Variants in FNBP1 observed in about 807,000 individuals in gnomAD.
FNBP1 encodes formin-binding protein 1.
A neutral mutation model predicts 90.6 loss-of-function variants in FNBP1; 26 were observed. The observed-to-expected ratio is 0.29, with a 90% CI of 0.21 to 0.40. The LOEUF is 0.40. FNBP1 is among the 10% of genes least tolerant of loss of function. The pLI, the probability that FNBP1 is intolerant of heterozygous loss-of-function variation, is 1.00. For synonymous variants in FNBP1, 260 were observed against 265.2 expected, an observed-to-expected ratio of 0.98 and a Z score of 0.19; for missense variants, 635 against 768.0, an observed-to-expected ratio of 0.83 and a Z score of 2.05.
In FNBP1 at chr9:130,042,750, C is replaced by G. The variant is rs2059950698; in HGVS notation, c.24+202G>C. Among the ~76,000 whole-genome samples, 2 of 151,744 alleles carry G rather than the reference C, an allele frequency of 1.3e-5. No individual in the cohort carries two copies. Among genetic ancestry groups the G allele is most frequent in the Admixed American group, 6.6e-5 (1 of 15,232 alleles). ...GACCCGCACCAACTCCCCTCGCCTCCGAAGGACAAGCCGGCCCGCACCTCC... is the reference window on the plus strand; with the variant it reads ...GACCCGCACCAACTCCCCTCGCCTCGGAAGGACAAGCCGGCCCGCACCTCC... On this transcript the variant is annotated intron_variant, in intron 1 of 16. Transcript: ENST00000446176. The surrounding 1 kb of genome is among the most constrained non-coding windows in gnomAD (Gnocchi z 5.5).
rs1213145983 is a variant in FNBP1, at chr9:129,890,990, A to C, written c.1847-444T>G. On this transcript the variant is annotated intron_variant, in intron 16 of 16. Transcript: ENST00000446176. The surrounding 1 kb of genome is among the most constrained non-coding windows in gnomAD (Gnocchi z 5.8). ...GCTAACATGGTGAAAACCCATCTCTATTAAAAATACAACAATTAGCCTGGC... is the reference window on the plus strand; with the variant it reads ...GCTAACATGGTGAAAACCCATCTCTCTTAAAAATACAACAATTAGCCTGGC... Among the ~76,000 whole-genome samples, 3 of 151,776 alleles carry C rather than the reference A, an allele frequency of 2.0e-5. No individual in the cohort carries two copies. Among genetic ancestry groups the C allele is most frequent in the Non-Finnish European group, 4.4e-5 (3 of 67,934 alleles).
chr9:129,966,371 G>A lies in FNBP1; in HGVS notation c.346-7818C>T, dbSNP rs533979181. 4.1e-4 allele frequency among the ~76,000 whole-genome samples: 62 copies of A among 152,276 alleles called. 1 individual carries two copies. In the South Asian group the frequency reaches 0.012, roughly 31 times the overall value. On this transcript the variant is annotated intron_variant, in intron 4 of 16. Transcript: ENST00000446176. This position sits in a 1 kb window ranked among gnomAD's most constrained non-coding sequence, Gnocchi z 4.3. ...CAAGGTAAAGGGCACAGGGACGGAG[G>A]GCAGGCAGGGGCTTGACCATGGACA...
chr9:130,004,237 T>G (rs906691797), intron 1 of FNBP1, among the ~76,000 whole-genome samples: 3 of 151,196 alleles, frequency 2.0e-5, no homozygotes, highest in African/African-American at 7.3e-5. Context: ...TACTCCAGCC[T>G]GGGTGATAGG....
rs2058524177 is a variant in FNBP1, at chr9:130,028,185, A to G, written c.24+14767T>C. The stretch of plus-strand genomic sequence containing the variant: ...TCAGTGGGAGGAGTCTTGAGATCAC[A>G]TTGTAAGATGAGCAATGTGGGATGG... On this transcript the variant is annotated intron_variant, in intron 1 of 16. Coordinates refer to ENST00000446176, the MANE Select transcript of FNBP1 (RefSeq NM_015033.3). Among the ~76,000 whole-genome samples, 3 of 152,208 alleles carry G rather than the reference A, an allele frequency of 2.0e-5. No homozygotes were observed. The South Asian group carries it at 6.2e-4, about 32-fold the overall frequency.
At chr9:129,925,231 G>A (rs1320940180) in intron 8 of FNBP1, 74 bp from the exon 9 acceptor site, 15 of 1,234,184 alleles carry the variant, frequency 1.2e-5, no homozygotes, top group Non-Finnish European at 1.7e-5. Flanking sequence ...AATTGGCCAG[G>A]TGCGGTGGCT....
At chr9:129,907,442 A>G (rs1413659291) in intron 12 of FNBP1, among the ~76,000 whole-genome samples, 1 of 152,174 alleles carries the variant, frequency 6.6e-6, no homozygotes, top group Non-Finnish European at 1.5e-5. Flanking sequence ...ACCCCAGGGT[A>G]TCTGGAGTGC....
Position 129,957,472 on chromosome 9 carries a change from C to T in FNBP1, c.409-8G>A. 6.3e-7 allele frequency: 1 copy of T among 1,594,126 alleles called. No individual in the cohort carries two copies. Among genetic ancestry groups the T allele is most frequent in the South Asian group, 1.1e-5 (1 of 90,498 alleles). ...TTCAAATCGCCTTTTACTCTAAAAT[C>T]AGAGGAAAATAATTATGAAACCATA... On this transcript the variant is annotated splice_polypyrimidine_tract_variant and splice_region_variant and intron_variant, in intron 5 of 16. Transcript: ENST00000446176. This position sits in a 1 kb window ranked among gnomAD's most constrained non-coding sequence, Gnocchi z 4.3.
intron 1 of FNBP1, among the ~76,000 whole-genome samples, chr9:130,033,142 A>G (rs2132201204): frequency 6.6e-6 from 1 of 152,278 alleles, no homozygotes; most frequent in South Asian, 2.1e-4. Context: ...GTGTTTACCT[A>G]TCACCTTTCA....
At position 129,924,964 on chromosome 9, in the gene FNBP1, T is replaced by C; in HGVS notation, c.983A>G (p.Asn328Ser). The stretch of plus-strand genomic sequence containing the variant: ...TTTCACGCCAACCATCAGTACCTTA[T>C]TTTTTTTGATGAACGGCCATAACTT... Reference protein sequence around the residue: ...KGKLWPFIKKNKLMSLLTSPH... With the variant: ...KGKLWPFIKKSKLMSLLTSPH... Residue 328 changes from asparagine to serine, a missense_variant, in exon 9 of 17, where the codon AAT becomes AGT. Coordinates refer to ENST00000446176, the MANE Select transcript of FNBP1 (RefSeq NM_015033.3). 3 of 1,568,974 alleles carry C rather than the reference T, an allele frequency of 1.9e-6. No individual in the cohort carries two copies. Among genetic ancestry groups the C allele is most frequent in the Non-Finnish European group, 1.7e-6 (2 of 1,147,572 alleles).
At chr9:129,908,204 C>CTTTTT (rs60610339) in intron 12 of FNBP1, among the ~76,000 whole-genome samples, 8 of 131,076 alleles carry the variant, frequency 6.1e-5, no homozygotes, top group Non-Finnish European at 1.6e-5. Flanking sequence ...GTCTCTCTCT[C>CTTTTT]TTTTTTTTTT....
At chr9:129,964,876 A>G (rs2048333880) in intron 4 of FNBP1, among the ~76,000 whole-genome samples, 1 of 149,422 alleles carries the variant, frequency 6.7e-6, no homozygotes, top group African/African-American at 2.5e-5. Flanking sequence ...AAAAAAAAGT[A>G]GAAAAAAACA....
At chr9:130,033,846 C>CAA (rs36040639) in intron 1 of FNBP1, among the ~76,000 whole-genome samples, 165 of 103,658 alleles carry the variant, frequency 1.6e-3, no homozygotes, top group South Asian at 9.8e-3. Context: ...ACTAAAAATA[C>CAA]AAAAAAAAAA....
At chr9:130,030,312 G>A (rs541240951) in intron 1 of FNBP1, among the ~76,000 whole-genome samples, 103 of 152,030 alleles carry the variant, frequency 6.8e-4, no homozygotes, top group African/African-American at 2.5e-3. Flanking sequence ...GGGCACACCT[G>A]TAATCCCAGC....
intron 11 of FNBP1, chr9:129,910,292 C>A: frequency 2.3e-6 from 1 of 426,310 alleles, no homozygotes; most frequent in South Asian, 1.6e-5. Flanking sequence ...ACCAGCCTGG[C>A]CAACAATGTG....
intron 1 of FNBP1, among the ~76,000 whole-genome samples, chr9:130,025,992 A>G (rs528785306): frequency 1.3e-5 from 2 of 152,358 alleles, no homozygotes; most frequent in Non-Finnish European, 2.9e-5. Context: ...GGATAATGAT[A>G]GCCAACACTA....
rs1190488292 is a variant in FNBP1, at chr9:129,896,016, A to C, written c.1688-20T>G. The C allele has an allele frequency of 2.5e-6, 4 of 1,596,586 alleles. No individual in the cohort carries two copies. In the South Asian group the frequency reaches 4.5e-5, roughly 18 times the overall value. On this transcript the variant is annotated intron_variant, in intron 15 of 16. Coordinates refer to ENST00000446176, the MANE Select transcript of FNBP1 (RefSeq NM_015033.3). ...TCTGACCTGAAAAAGCAATATCAGG[A>C]TATGTTAGATGTCTTGGCAAATGCA...
At chr9:130,051,581 G>A in the FNBP1 span, among the ~76,000 whole-genome samples, 5 of 152,186 alleles carry the variant, frequency 3.3e-5, no homozygotes, top group African/African-American at 7.2e-5. Context: ...TTGGTAAGCC[G>A]AGGTGAGCAG....
intron 6 of FNBP1, among the ~76,000 whole-genome samples, chr9:129,954,019 C>A (rs915132884): frequency 6.6e-6 from 1 of 150,632 alleles, no homozygotes; most frequent in Non-Finnish European, 1.5e-5. Flanking sequence ...TCTCTATATA[C>A]AAAAAATAAT....
chr9:129,948,245 C>T (rs566485438), intron 6 of FNBP1, among the ~76,000 whole-genome samples: 1 of 151,920 alleles, frequency 6.6e-6, no homozygotes. Context: ...TGCACTCCAG[C>T]CTGAGCAACA....
Sources: allele counts gnomAD v4.1 joint callset (sites outside exome capture counted in the v4.1 genomes callset), GRCh38; gene constraint gnomAD v4.1.1; non-coding constraint Gnocchi (gnomAD v3.1); transcripts MANE v1.5; gene names NCBI Gene and HGNC (gene_info 2026-07-23, HGNC 2026-07-21).